The following CACNA2D3 variants were observed in gnomAD, a reference collection of about 807,000 sequenced individuals.
CACNA2D3 encodes the protein voltage-dependent calcium channel subunit alpha-2/delta-3.
A neutral mutation model predicts 160.6 loss-of-function variants in CACNA2D3; 60 were observed. The observed-to-expected ratio is 0.37, with a 90% CI of 0.30 to 0.46. The LOEUF (loss-of-function observed/expected upper bound fraction) is 0.46, where lower values mean the gene tolerates loss of function less well. Among genes scored for constraint, CACNA2D3 ranks in the 20% least tolerant of loss-of-function variants. The pLI, the probability that CACNA2D3 is intolerant of heterozygous loss-of-function variation, is 1.00. For synonymous variants in CACNA2D3, 558 were observed against 492.9 expected (o/e 1.13, Z -1.75); for missense variants, 1,205 against 1,365.0 (o/e 0.88, Z 1.85).
intron 2 of CACNA2D3, among the ~76,000 whole-genome samples, chr3:54,139,861 A>T (rs1191562538): frequency 3.3e-5 from 5 of 152,196 alleles, no homozygotes; most frequent in African/African-American, 1.2e-4. Flanking sequence ...CTGAGATGTA[A>T]CCTGAGAGGC....
At chr3:54,146,107 G>C (rs762075602) in intron 2 of CACNA2D3, among the ~76,000 whole-genome samples, 1 of 151,944 alleles carries the variant, frequency 6.6e-6, no homozygotes, top group Non-Finnish European at 1.5e-5. Context: ...TTCTCTGTTC[G>C]GGATGGGGCA....
At chr3:54,650,525 A>G (rs1699743299) in intron 11 of CACNA2D3, among the ~76,000 whole-genome samples, 1 of 152,136 alleles carries the variant, frequency 6.6e-6, no homozygotes, top group Non-Finnish European at 1.5e-5. Context: ...CACCACACCC[A>G]GCTAATTTTT....
chr3:54,782,453 G>T (rs1390732898), intron 13 of CACNA2D3, among the ~76,000 whole-genome samples: 1 of 152,074 alleles, frequency 6.6e-6, no homozygotes, highest in Non-Finnish European at 1.5e-5. Context: ...TAGAAATTCA[G>T]GATAACATTA....
chr3:54,240,752 G>A (rs1275219570), intron 2 of CACNA2D3, among the ~76,000 whole-genome samples: 1 of 151,972 alleles, frequency 6.6e-6, no homozygotes, highest in Non-Finnish European at 1.5e-5. Context: ...TTGTTGTTTT[G>A]AGACAGGGTC....
chr3:55,027,030 G>C (rs1158115609), intron 35 of CACNA2D3, among the ~76,000 whole-genome samples: 1 of 152,092 alleles, frequency 6.6e-6, no homozygotes, highest in Non-Finnish European at 1.5e-5. Flanking sequence ...TCCTAACAGA[G>C]CAAACAACTC....
chr3:54,133,060 G>A (rs66833762), intron 2 of CACNA2D3, among the ~76,000 whole-genome samples: 46,189 of 151,992 alleles, frequency 0.3, 7,675 homozygotes, highest in South Asian at 0.4. Flanking sequence ...AAAGACAGTA[G>A]TTTGTCCACT....
Position 54,659,666 on chromosome 3 carries a change from C to T in CACNA2D3, c.1167+17425C>T, listed in dbSNP as rs533065354. On this transcript the variant is annotated intron_variant, in intron 11 of 37. Coordinates refer to ENST00000474759, the MANE Select transcript of CACNA2D3 (RefSeq NM_018398.3). The stretch of plus-strand genomic sequence containing the variant: ...GGATGAACTTTCAGGAAAACTGCCA[C>T]GGGGACAGAGAGAGTGACCTTGGAC... 1.4e-4 allele frequency among the ~76,000 whole-genome samples: 22 copies of T among 152,252 alleles called. No individual in the cohort carries two copies. In the East Asian group the frequency reaches 2.1e-3, roughly 15 times the overall value.
chr3:54,865,638 T>C (rs1301965788), intron 17 of CACNA2D3, among the ~76,000 whole-genome samples: 1 of 152,180 alleles, frequency 6.6e-6, no homozygotes, highest in African/African-American at 2.4e-5. Context: ...TCGAACAATC[T>C]CCTTAAAGGA....
At chr3:54,195,050 A>G (rs766462593) in intron 2 of CACNA2D3, among the ~76,000 whole-genome samples, 18 of 152,322 alleles carry the variant, frequency 1.2e-4, no homozygotes, top group Middle Eastern at 3.4e-3. Flanking sequence ...TAAGTCTTAC[A>G]TGATAACCTG....
At chr3:54,569,118 C>A (rs150167589) in intron 6 of CACNA2D3, among the ~76,000 whole-genome samples, 2 of 152,272 alleles carry the variant, frequency 1.3e-5, no homozygotes, top group East Asian at 3.9e-4. Flanking sequence ...TTCTTAAAAA[C>A]TAAGTTGGAT....
intron 9 of CACNA2D3, among the ~76,000 whole-genome samples, chr3:54,583,530 A>G (rs1006937389): frequency 6.6e-6 from 1 of 152,178 alleles, no homozygotes; most frequent in Non-Finnish European, 1.5e-5. Flanking sequence ...CTTATCTAAA[A>G]TGGTTGGGAC....
chr3:54,619,186 G>C (rs1200519686), intron 9 of CACNA2D3, among the ~76,000 whole-genome samples: 1 of 152,184 alleles, frequency 6.6e-6, no homozygotes, highest in Non-Finnish European at 1.5e-5. Flanking sequence ...GAGATGCACT[G>C]ACAAGTCCAC....
At chr3:54,298,996 T>C (rs1448350002) in intron 2 of CACNA2D3, among the ~76,000 whole-genome samples, 1 of 142,974 alleles carries the variant, frequency 7.0e-6, no homozygotes, top group African/African-American at 2.6e-5. Flanking sequence ...GGAAAGAGTA[T>C]GGATGGGCTT....
At chr3:54,295,692 G>A (rs372871706) in intron 2 of CACNA2D3, among the ~76,000 whole-genome samples, 39 of 152,314 alleles carry the variant, frequency 2.6e-4, no homozygotes, top group South Asian at 1.0e-3. Flanking sequence ...TAGTAAGGCC[G>A]AGGAAGCAAT....
intron 11 of CACNA2D3, among the ~76,000 whole-genome samples, chr3:54,734,337 T>C (rs1159086686): frequency 1.3e-5 from 2 of 152,166 alleles, no homozygotes; most frequent in African/African-American, 4.8e-5. Context: ...ATTCACCCCA[T>C]GACTCCTTTT....
chr3:54,595,317 T>TGG (rs750166876), intron 9 of CACNA2D3, among the ~76,000 whole-genome samples: 2 of 115,042 alleles, frequency 1.7e-5, no homozygotes, highest in Admixed American at 1.6e-4. Flanking sequence ...GTGTGTGGTG[T>TGG]GTGTGTGTGT....
chr3:54,758,805 T>C (rs1403145734), intron 12 of CACNA2D3, among the ~76,000 whole-genome samples: 2 of 151,686 alleles, frequency 1.3e-5, no homozygotes, highest in East Asian at 3.9e-4. Flanking sequence ...GTGGGAAGAG[T>C]CTTTGGAAAG....
intron 2 of CACNA2D3, among the ~76,000 whole-genome samples, chr3:54,282,851 G>GT (rs879414759): frequency 2.1e-3 from 295 of 139,624 alleles, no homozygotes; most frequent in Middle Eastern, 3.7e-3. Flanking sequence ...TTTTCGCTTT[G>GT]TTTTTTTTTT....
At chr3:55,021,969 C>T (rs1489726116) in intron 35 of CACNA2D3, among the ~76,000 whole-genome samples, 1 of 151,966 alleles carries the variant, frequency 6.6e-6, no homozygotes, top group South Asian at 2.1e-4. Context: ...GTTACATTCT[C>T]TAATAGCTGG....
Sources: gnomAD v4.1 joint callset for allele counts (sites outside exome capture counted in the v4.1 genomes callset) on GRCh38, gnomAD v4.1.1 for gene constraint, MANE v1.5 for transcripts, NCBI Gene and HGNC (gene_info 2026-07-23, HGNC 2026-07-21) for gene names.